The following NEDD9 variants were observed in gnomAD, a reference collection of about 807,000 sequenced individuals.
NEDD9 encodes the protein enhancer of filamentation 1.
Under a neutral mutation model 76.6 loss-of-function variants are expected in NEDD9, and 26 were observed. The ratio of observed to expected loss-of-function variants is 0.34; its 90% CI spans 0.25 to 0.47. The LOEUF is 0.47. NEDD9 is among the 20% of genes least tolerant of loss of function. The pLI is 1.00. For synonymous variants in NEDD9, 392 were observed against 414.2 expected (o/e 0.95, Z 0.65); for missense variants, 937 against 1,058.5 (o/e 0.89, Z 1.59).
intron 2 of NEDD9, among the ~76,000 whole-genome samples, chr6:11,329,846 C>A (rs926938077): frequency 1.3e-5 from 2 of 152,112 alleles, no homozygotes; most frequent in African/African-American, 2.4e-5. Flanking sequence ...GACATCCCCA[C>A]CCCCAACAAA....
rs758912867 is a variant in NEDD9, at chr6:11,345,094, T to C, written c.-213-10533A>G. 2.3e-4 allele frequency among the ~76,000 whole-genome samples: 35 copies of C among 152,162 alleles called. 1 individual carries two copies. Among genetic ancestry groups the C allele is most frequent in the Non-Finnish European group, 4.7e-4 (32 of 68,004 alleles). On this transcript the variant is annotated intron_variant, in intron 1 of 3. Coordinates refer to the NEDD9 transcript ENST00000397378. The stretch of plus-strand genomic sequence containing the variant: ...GAATAGGGCGGTGGAGAAGAGGGCT[T>C]AGAAAGAGGGACCGGGGTGAGGCAG...
upstream of NEDD9, among the ~76,000 whole-genome samples, chr6:11,234,184 G>C (rs1334449758): frequency 6.6e-6 from 1 of 152,122 alleles, no homozygotes; most frequent in African/African-American, 2.4e-5. Flanking sequence ...CTGAGTGATT[G>C]TGCAAGGCCT....
intron 1 of NEDD9, among the ~76,000 whole-genome samples, chr6:11,381,344 G>A (rs890532303): frequency 6.6e-6 from 1 of 152,166 alleles, no homozygotes; most frequent in Non-Finnish European, 1.5e-5. Flanking sequence ...GGAAAAGATT[G>A]GTGGCCGATC....
At chr6:11,193,466 AC>A in intron 3 of NEDD9, 124 bp downstream of exon 3, 1 of 599,234 alleles carries the variant, frequency 1.7e-6, no homozygotes, top group Non-Finnish European at 2.8e-6. Context: ...TGGGTAGACA[AC>A]CTAAACAAAG....
At chr6:11,196,696 C>T (rs1321775236) in intron 2 of NEDD9, among the ~76,000 whole-genome samples, 1 of 152,034 alleles carries the variant, frequency 6.6e-6, no homozygotes, top group Non-Finnish European at 1.5e-5. Context: ...TACAGCACCC[C>T]CCGCCCGCCA....
intron 3 of NEDD9, among the ~76,000 whole-genome samples, chr6:11,277,146 A>G (rs1355276553): frequency 6.6e-6 from 1 of 152,186 alleles, no homozygotes; most frequent in East Asian, 1.9e-4. Context: ...CTGCAAAGAC[A>G]TCCACTGGGA....
chr6:11,200,621 T>C, intron 2 of NEDD9: 1 of 1,115,366 alleles, frequency 9.0e-7, no homozygotes, highest in Non-Finnish European at 1.1e-6. Flanking sequence ...GAAGATTTAA[T>C]CATTCCTAAA....
chr6:11,189,100 C>T (rs879609335), intron 5 of NEDD9, among the ~76,000 whole-genome samples: 2 of 152,122 alleles, frequency 1.3e-5, no homozygotes, highest in Non-Finnish European at 2.9e-5. Context: ...GCGTGCATCA[C>T]CATGCCTGGC....
chr6:11,282,736 C>T (rs1429586986), intron 3 of NEDD9, among the ~76,000 whole-genome samples: 1 of 152,210 alleles, frequency 6.6e-6, no homozygotes, highest in Admixed American at 6.5e-5. Flanking sequence ...CTTCCTTGTT[C>T]ATCTAAGCCA....
At chr6:11,272,800 G>A (rs746911240) in intron 3 of NEDD9, among the ~76,000 whole-genome samples, 21 of 152,124 alleles carry the variant, frequency 1.4e-4, no homozygotes, top group Non-Finnish European at 2.4e-4. Flanking sequence ...CTTTGTTTTC[G>A]GCTTCATCCT....
chr6:11,376,042 T>C (rs143446829), intron 1 of NEDD9, among the ~76,000 whole-genome samples: 2,598 of 152,268 alleles, frequency 0.017, 86 homozygotes, highest in African/African-American at 0.059. Context: ...GCCAGGGTGG[T>C]CTCGATCTCC....
intron 1 of NEDD9, among the ~76,000 whole-genome samples, chr6:11,381,331 A>C (rs1763060197): frequency 6.6e-6 from 1 of 152,204 alleles, no homozygotes; most frequent in Non-Finnish European, 1.5e-5. Context: ...AACACAAGCA[A>C]AGGGAAAAGA....
chr6:11,300,113 A>G (rs889399613), intron 3 of NEDD9, among the ~76,000 whole-genome samples: 3 of 152,224 alleles, frequency 2.0e-5, no homozygotes, highest in African/African-American at 7.2e-5. Context: ...AAAAACCTTG[A>G]AAAAAGATTA....
At position 11,252,266 on chromosome 6, in the gene NEDD9, C is replaced by T. The variant is rs866292404; in HGVS notation, c.13-38539G>A. Among the ~76,000 whole-genome samples, 2 of 152,132 alleles carry T rather than the reference C, an allele frequency of 1.3e-5. No homozygotes were observed. Among genetic ancestry groups the T allele is most frequent in the Non-Finnish European group, 2.9e-5 (2 of 68,032 alleles). ...CCTGAGCATGTCATGAACTTTCTGG[C>T]TCACTGGGAGCTGAGAATACAGATG... On this transcript the variant is annotated intron_variant, in intron 3 of 3. Coordinates refer to the NEDD9 transcript ENST00000397378. This position sits in a 1 kb window ranked among gnomAD's most constrained non-coding sequence, Gnocchi z 4.3.
At chr6:11,212,372 T>C (rs1758808456) in intron 2 of NEDD9, among the ~76,000 whole-genome samples, 1 of 152,230 alleles carries the variant, frequency 6.6e-6, no homozygotes, top group African/African-American at 2.4e-5. Context: ...ACTGACATTA[T>C]TTTCCTGATA....
rs1759501094 is a variant in NEDD9 at position 11,232,394 on chromosome 6, A to G, written c.12+110T>C. 5 of 1,374,264 alleles carry G rather than the reference A, an allele frequency of 3.6e-6. No individual in the cohort carries two copies. The Admixed American group carries it at 5.2e-5, about 14-fold the overall frequency. The allele number at this position is 1,374,264 out of a possible 1,614,324, so 85.1% of individuals were successfully genotyped here. A position where few individuals can be genotyped will look rare whatever the true frequency, so the allele number is the denominator to read the frequency against. ...CTCAGTGACCGAGACTCATCTTAGA[A>G]CTCTCCGGGACACACAAGGGACTGA... On this transcript the variant is annotated intron_variant, in intron 1 of 6. Coordinates refer to ENST00000379446, the MANE Select transcript of NEDD9 (RefSeq NM_006403.4).
In NEDD9 at chr6:11,191,321, A is replaced by G. The variant is rs960140923; in HGVS notation, c.664-116T>C. The G allele has an allele frequency of 5.6e-6, 6 of 1,063,818 alleles. No homozygotes were observed. In the Admixed American group the frequency reaches 8.7e-5, roughly 15 times the overall value. The allele number at this position is 1,063,818 out of a possible 1,614,324, so 65.9% of individuals were successfully genotyped here. A position where few individuals can be genotyped will look rare whatever the true frequency, so the allele number is the denominator to read the frequency against. On this transcript the variant is annotated intron_variant, in intron 4 of 6. Transcript: ENST00000379446. ...TTTTCGGTCGCCCTCCCCCGCCCCA[A>G]TGTTAGGCACTTCCAAGGTTCCCCG...
upstream of NEDD9, among the ~76,000 whole-genome samples, chr6:11,235,012 A>T (rs1464979864): frequency 1.3e-5 from 2 of 152,114 alleles, no homozygotes; most frequent in African/African-American, 2.4e-5. This position sits in a 1 kb window ranked among gnomAD's most constrained non-coding sequence, Gnocchi z 4.1. Context: ...GTGCCTGGCC[A>T]GTTGAACTTC....
chr6:11,282,900 G>A (rs1327113604), intron 3 of NEDD9, among the ~76,000 whole-genome samples: 1 of 152,184 alleles, frequency 6.6e-6, no homozygotes, highest in Middle Eastern at 3.2e-3. Flanking sequence ...CTCTCCAGTG[G>A]TTTCATATCT....
Sources: gnomAD v4.1 joint callset for allele counts (sites outside exome capture counted in the v4.1 genomes callset) on GRCh38, gnomAD v4.1.1 for gene constraint, Gnocchi (gnomAD v3.1) non-coding constraint, MANE v1.5 for transcripts, NCBI Gene and HGNC (gene_info 2026-07-23, HGNC 2026-07-21) for gene names.